CDH9: variants seen among roughly 807,000 people sequenced by gnomAD.
CDH9 encodes cadherin-9.
In CDH9, 28 loss-of-function variants were observed where a neutral mutation model predicts 70.9. The observed-to-expected ratio is 0.40, with a 90% CI of 0.29 to 0.54. The LOEUF is 0.54. Ranked by LOEUF, CDH9 falls within the 20% of genes least tolerant of loss-of-function variation. CDH9 has a pLI of 0.59. For missense variants in CDH9, 874 were observed against 984.4 expected, an observed-to-expected ratio of 0.89 and a Z score of 1.50; for synonymous variants, 409 against 343.1, an observed-to-expected ratio of 1.19 and a Z score of -2.12.
chr5:26,924,879 A>G (rs1475192229), intron 2 of CDH9, among the ~76,000 whole-genome samples: 4 of 151,746 alleles, frequency 2.6e-5, no homozygotes, highest in Admixed American at 6.6e-5. Flanking sequence ...AAGGACATGA[A>G]CTCAACATTT....
chr5:26,906,885 A>G, intron 3 of CDH9, 47 bp from the exon 4 acceptor site: 1 of 1,509,706 alleles, frequency 6.6e-7, no homozygotes, highest in Non-Finnish European at 8.9e-7. Flanking sequence ...CATACTTCCA[A>G]ATCTGAAACA....
At position 26,885,630 on chromosome 5, in the gene CDH9, A is replaced by G. The variant is rs750102029; in HGVS notation, c.1866T>C (p.Cys622=). Residue 622 remains cysteine (C), a synonymous_variant, in exon 11 of 12, where the codon TGT becomes TGC. Transcript: ENST00000231021. ...STGALVAILL[C]VLILLILVVL... The stretch of plus-strand genomic sequence containing the variant: ...AGAGCTTACTAAGCAGTATGAGGAC[A>G]CAGAGTAGAATCGCAACGAGAGCTC... 1.9e-6 allele frequency: 3 copies of G among 1,613,292 alleles called. No individual in the cohort carries two copies. The highest frequency in any genetic ancestry group is 4.5e-5 in the East Asian group (2 of 44,848).
chr5:27,021,150 A>G (rs1354576440), intron 1 of CDH9, among the ~76,000 whole-genome samples: 1 of 151,764 alleles, frequency 6.6e-6, no homozygotes, highest in East Asian at 1.9e-4. Flanking sequence ...TCCTATTTTC[A>G]TATTATAATC....
intron 1 of CDH9, among the ~76,000 whole-genome samples, chr5:27,001,022 T>C (rs999103761): frequency 1.3e-5 from 2 of 152,232 alleles, no homozygotes; most frequent in Non-Finnish European, 1.5e-5. Context: ...TTTTGTATAA[T>C]ACTGCAATGG....
intron 1 of CDH9, among the ~76,000 whole-genome samples, chr5:27,005,332 C>G (rs1457833399): frequency 1.3e-5 from 2 of 151,594 alleles, no homozygotes; most frequent in Non-Finnish European, 2.9e-5. Flanking sequence ...ACAAGGGCAC[C>G]AAAAGAAACT....
Position 26,881,160 on chromosome 5 carries a change from C to T in CDH9, c.2346G>A (p.Gly782=), listed in dbSNP as rs1249595883. 1.9e-6 allele frequency: 3 copies of T among 1,611,788 alleles called. No individual in the cohort carries two copies. Residue 782 remains glycine, a synonymous_variant, in exon 12 of 12, where the codon GGG becomes GGA. Coordinates refer to ENST00000231021, the MANE Select transcript of CDH9 (RefSeq NM_016279.4). The part of the protein sequence containing the change: ...PRFKKLADMY[G]GDDSDRD Reference sequence around the variant, plus strand: ...CTTAGTCTCGGTCACTATCATCACCCCCATACATATCGGCAAGTTTTTTGA... The same window carrying T: ...CTTAGTCTCGGTCACTATCATCACCTCCATACATATCGGCAAGTTTTTTGA...
chr5:27,023,387 T>TG (rs1743171951), intron 1 of CDH9, among the ~76,000 whole-genome samples: 1 of 152,112 alleles, frequency 6.6e-6, no homozygotes, highest in South Asian at 2.1e-4. Context: ...AATTCAATGG[T>TG]ACTCATTTTT....
intron 2 of CDH9, among the ~76,000 whole-genome samples, chr5:26,935,044 A>G (rs756922676): frequency 7.9e-5 from 12 of 152,124 alleles, no homozygotes; most frequent in Admixed American, 3.9e-4. Context: ...AACATGACCA[A>G]TTGGGGGTTA....
intron 1 of CDH9, among the ~76,000 whole-genome samples, chr5:27,026,458 C>T (rs1285797742): frequency 6.6e-6 from 1 of 151,930 alleles, no homozygotes; most frequent in African/African-American, 2.4e-5. Context: ...AAACCTCCCT[C>T]ACCAAGTTCA....
chr5:26,930,316 A>T (rs112974945), intron 2 of CDH9, among the ~76,000 whole-genome samples: 2 of 152,112 alleles, frequency 1.3e-5, no homozygotes, highest in South Asian at 4.1e-4. Context: ...AAAACTGCAC[A>T]TGTTTAATGT....
chr5:26,915,864 C>A lies in CDH9; in HGVS notation c.289G>T (p.Ala97Ser). ...NLKYILTGDG[A>S]GSLFVIDENT... is the part of the protein sequence containing the mutation. ...TCATCTATAACAAATAGACTGCCAG[C>A]CCCATCTCCTGTTAGTATGTATTTT... The change falls in exon 3 of 12, where the codon GCT becomes TCT. Residue 97 changes from alanine (A) to serine (S), a missense_variant. Ala to Ser is a moderately conservative substitution (Grantham distance 99). Transcript: ENST00000231021. The A allele has an allele frequency of 1.9e-6, 3 of 1,611,366 alleles. No homozygotes were observed. Among genetic ancestry groups the A allele is most frequent in the Non-Finnish European group, 2.5e-6 (3 of 1,177,588 alleles).
intron 6 of CDH9, chr5:26,903,419 G>A (rs1188253353): frequency 3.1e-6 from 2 of 648,236 alleles, no homozygotes; most frequent in Admixed American, 2.5e-5. Flanking sequence ...TAATTTGACT[G>A]TTTTCTAGTT....
At chr5:27,009,551 C>T (rs1742922333) in intron 1 of CDH9, among the ~76,000 whole-genome samples, 2 of 152,080 alleles carry the variant, frequency 1.3e-5, no homozygotes, top group African/African-American at 2.4e-5. Flanking sequence ...TGGGTCCATT[C>T]ACCTTCTGGA....
chr5:26,934,896 G>A (rs1579460837), intron 2 of CDH9, among the ~76,000 whole-genome samples: 1 of 149,240 alleles, frequency 6.7e-6, no homozygotes, highest in Non-Finnish European at 1.5e-5. Flanking sequence ...TTAACCATAG[G>A]AAGCCATAAT....
rs78698631 is a variant in CDH9 at position 26,884,552 on chromosome 5, G to A, written c.1882+1062C>T. 8.5e-4 allele frequency among the ~76,000 whole-genome samples: 130 copies of A among 152,262 alleles called. 6 individuals are homozygous for A. In the East Asian group the frequency reaches 0.025, roughly 29 times the overall value. ...AACTGCTGATGGTGATGGTAGCAGT[G>A]TGTTTGTTCTAAACCACACTGAGAA... is the stretch of plus-strand genomic sequence containing the variant. On this transcript the variant is annotated intron_variant, in intron 11 of 11. Coordinates refer to ENST00000231021, the MANE Select transcript of CDH9 (RefSeq NM_016279.4).
intron 1 of CDH9, among the ~76,000 whole-genome samples, chr5:27,036,584 G>T (rs1743397028): frequency 6.6e-6 from 1 of 151,702 alleles, no homozygotes; most frequent in Admixed American, 6.6e-5. Flanking sequence ...TTATCTCATA[G>T]GACTATTGTT....
At chr5:26,917,709 T>C (rs1741172744) in intron 2 of CDH9, among the ~76,000 whole-genome samples, 1 of 152,242 alleles carries the variant, frequency 6.6e-6, no homozygotes, top group South Asian at 2.1e-4. Flanking sequence ...GGCTACATCA[T>C]GTATTTTCCT....
intron 2 of CDH9, among the ~76,000 whole-genome samples, chr5:26,963,493 C>G (rs894628392): frequency 3.9e-5 from 6 of 151,978 alleles, no homozygotes; most frequent in African/African-American, 1.4e-4. Flanking sequence ...CCATCGAGAA[C>G]ATTTTTTATA....
At chr5:27,002,168 A>C (rs1285443480) in intron 1 of CDH9, among the ~76,000 whole-genome samples, 1 of 152,206 alleles carries the variant, frequency 6.6e-6, no homozygotes, top group Non-Finnish European at 1.5e-5. Context: ...ACACATGAAA[A>C]AATGCTCATA....
Sources: gnomAD v4.1 joint callset for allele counts (sites outside exome capture counted in the v4.1 genomes callset) on GRCh38, gnomAD v4.1.1 for gene constraint, MANE v1.5 for transcripts, NCBI Gene and HGNC (gene_info 2026-07-23, HGNC 2026-07-21) for gene names.